The following SLC37A3 variants were observed in gnomAD, a reference collection of about 807,000 sequenced individuals.
The protein encoded by SLC37A3 is solute carrier family 37 member 3.
In SLC37A3, 51 loss-of-function variants were observed where a neutral mutation model predicts 67.1. The ratio of observed to expected loss-of-function variants is 0.76; its 90% CI spans 0.61 to 0.96. SLC37A3 has a LOEUF of 0.96. SLC37A3 is among the 40% of genes least tolerant of loss of function. SLC37A3 has a pLI of 0.00. For synonymous variants in SLC37A3, 214 were observed against 231.4 expected (o/e 0.92, Z 0.68); for missense variants, 508 against 603.0 (o/e 0.84, Z 1.65).
chr7:140,354,419 C>T (rs770418424), intron 7 of SLC37A3, among the ~76,000 whole-genome samples: 19 of 151,862 alleles, frequency 1.3e-4, no homozygotes, highest in Middle Eastern at 3.2e-3. Flanking sequence ...AATAAGTATA[C>T]AGTATAGTTT....
intron 14 of SLC37A3, among the ~76,000 whole-genome samples, 186 bp downstream of exon 14, chr7:140,337,098 C>CAAAAAAAAAAAAAAA (rs1172096190): frequency 2.9e-5 from 2 of 69,626 alleles, no homozygotes; most frequent in Non-Finnish European, 5.5e-5. Flanking sequence ...GACTCTGCCT[C>CAAAAAAAAAAAAAAA]AAAAAAAAAA....
intron 13 of SLC37A3, among the ~76,000 whole-genome samples, chr7:140,341,539 G>A (rs1371678565): frequency 6.6e-6 from 1 of 152,156 alleles, no homozygotes; most frequent in Non-Finnish European, 1.5e-5. Context: ...GGACAGAGCT[G>A]ATAGAGGTTA....
At chr7:140,343,276 G>T in intron 13 of SLC37A3, 136 bp downstream of exon 13, 1 of 1,193,054 alleles carries the variant, frequency 8.4e-7, no homozygotes, top group Non-Finnish European at 1.2e-6. Context: ...CCTGAGGGGA[G>T]ACGGAAGTCC....
intron 3 of SLC37A3, among the ~76,000 whole-genome samples, chr7:140,376,007 C>T (rs1244177605): frequency 6.6e-6 from 1 of 152,210 alleles, no homozygotes; most frequent in Non-Finnish European, 1.5e-5. Context: ...CTGCTGGGTA[C>T]ATGCACCAGT....
At position 140,398,476 on chromosome 7, in the gene SLC37A3, T is replaced by G. The variant is rs1211354072; in HGVS notation, c.-131A>C. On this transcript the variant is annotated 5_prime_UTR_variant, in exon 1 of 15. Coordinates refer to ENST00000326232, the MANE Select transcript of SLC37A3 (RefSeq NM_207113.3). ...GCTCCGCTCGCCGGGTCAGCTTGGC[T>G]CCGCTGCCCGCCTCCCCCGCCGCCA... 1.3e-5 allele frequency: 2 copies of G among 151,658 alleles called. No individual in the cohort carries two copies. Among genetic ancestry groups the G allele is most frequent in the African/African-American group, 4.9e-5 (2 of 41,156 alleles). The allele number at this position is 151,658 out of a possible 1,614,324, so 9.4% of individuals were successfully genotyped here. A position where few individuals can be genotyped will look rare whatever the true frequency, so the allele number is the denominator to read the frequency against.
intron 3 of SLC37A3, among the ~76,000 whole-genome samples, chr7:140,371,320 C>T (rs1180056113): frequency 6.6e-6 from 1 of 152,068 alleles, no homozygotes; most frequent in East Asian, 1.9e-4. Flanking sequence ...ATTACAGGCA[C>T]GTGCCACCAC....
intron 6 of SLC37A3, among the ~76,000 whole-genome samples, chr7:140,356,031 C>A (rs1025679412): frequency 3.5e-4 from 53 of 152,058 alleles, no homozygotes; most frequent in Non-Finnish European, 6.9e-4. Flanking sequence ...CCCATCTCTA[C>A]TAAAAATACA....
intron 3 of SLC37A3, among the ~76,000 whole-genome samples, chr7:140,375,859 C>CTG (rs1798012331): frequency 6.6e-6 from 1 of 152,212 alleles, no homozygotes; most frequent in Non-Finnish European, 1.5e-5. Context: ...ACACAGCTGA[C>CTG]ATCAAACAGT....
At chr7:140,395,328 T>C (rs1347900432) in intron 1 of SLC37A3, among the ~76,000 whole-genome samples, 4 of 129,624 alleles carry the variant, frequency 3.1e-5, no homozygotes, top group African/African-American at 1.2e-4. Context: ...TGAGCTGAGA[T>C]GGTGCCACTG....
intron 5 of SLC37A3, among the ~76,000 whole-genome samples, chr7:140,359,530 C>A (rs182671825): frequency 1.3e-5 from 2 of 152,190 alleles, no homozygotes; most frequent in Admixed American, 1.3e-4. Context: ...CGCATGCCAG[C>A]CACTGTTATG....
chr7:140,362,271 G>T (rs1469832569), intron 5 of SLC37A3, among the ~76,000 whole-genome samples: 7 of 140,814 alleles, frequency 5.0e-5, no homozygotes, highest in African/African-American at 1.8e-4. Flanking sequence ...GAGCGTCTCT[G>T]CCCGGCCGCC....
In SLC37A3 at chr7:140,363,264, G is replaced by A. The variant is rs1321445548; in HGVS notation, c.375+1144C>T. On this transcript the variant is annotated intron_variant, in intron 5 of 14. Transcript: ENST00000326232. ...TGTGGAATAGAAAGGCGGGAAGGGT[G>A]GGGAAAAAATTGAGAAATCGGATGG... is the stretch of plus-strand genomic sequence containing the variant. Among the ~76,000 whole-genome samples, 9 of 90,232 alleles carry A rather than the reference G, an allele frequency of 1.0e-4. 3 individuals carry two copies. Among genetic ancestry groups the A allele is most frequent in the Non-Finnish European group, 1.9e-4 (8 of 41,440 alleles). The allele number at this position is 90,232 out of a possible 152,430, so 59.2% of individuals were successfully genotyped here.
intron 3 of SLC37A3, among the ~76,000 whole-genome samples, chr7:140,378,068 C>T (rs1467232458): frequency 6.6e-6 from 1 of 152,072 alleles, no homozygotes; most frequent in Non-Finnish European, 1.5e-5. Flanking sequence ...TCTTGGGAAC[C>T]CCCAACCCAG....
intron 6 of SLC37A3, among the ~76,000 whole-genome samples, chr7:140,357,289 G>C (rs1267974226): frequency 1.3e-5 from 2 of 152,118 alleles, no homozygotes; most frequent in Admixed American, 1.3e-4. Context: ...ATTTACCCAA[G>C]AGAAATGAAA....
At chr7:140,383,542 C>T (rs904249812) in intron 1 of SLC37A3, among the ~76,000 whole-genome samples, 1 of 152,128 alleles carries the variant, frequency 6.6e-6, no homozygotes, top group Non-Finnish European at 1.5e-5. Flanking sequence ...GGTGAGGTCC[C>T]ACTGCAAGAC....
intron 5 of SLC37A3, among the ~76,000 whole-genome samples, chr7:140,362,807 C>G (rs1797404048): frequency 2.3e-5 from 2 of 88,630 alleles, no homozygotes; most frequent in Non-Finnish European, 5.0e-5. Context: ...GCCAGCCGCC[C>G]CGTCCCGGAG....
intron 4 of SLC37A3, among the ~76,000 whole-genome samples, chr7:140,369,368 G>A (rs1414997067): frequency 6.6e-6 from 1 of 152,180 alleles, no homozygotes; most frequent in Non-Finnish European, 1.5e-5. Flanking sequence ...AGGGCATTTT[G>A]TGTTGTTCGG....
Position 140,369,632 on chromosome 7 carries a change from GAA to G in SLC37A3, c.247_248del (p.Phe83ProfsTer123), listed in dbSNP as rs769048970. The G allele has an allele frequency of 1.7e-5, 28 of 1,614,012 alleles. No homozygotes were observed. The highest frequency in any genetic ancestry group is 4.4e-5 in the South Asian group (4 of 91,072). On this transcript the variant is annotated frameshift_variant, in exon 4 of 15. Transcript: ENST00000326232. LOFTEE classifies it high-confidence loss of function. Reference protein sequence around the residue: ...LFPSAEKATLFLGTLDTIFLF... With the variant: ...LFPSAEKATLXLGTLDTIFLF... ...GGAAAATGGTATCCAGTGTGCCGAG[GAA>G]AAGAGTCGCTTTCTCTGCACTGGGG...
intron 5 of SLC37A3, among the ~76,000 whole-genome samples, chr7:140,362,785 GC>G (rs1242064950): frequency 1.1e-5 from 1 of 87,884 alleles, no homozygotes; most frequent in Non-Finnish European, 2.4e-5. Context: ...GGGGGGATCA[GC>G]CCCCCGCCTG....
Sources: gnomAD v4.1 joint callset for allele counts (sites outside exome capture counted in the v4.1 genomes callset) on GRCh38, gnomAD v4.1.1 for gene constraint, MANE v1.5 for transcripts, NCBI Gene and HGNC (gene_info 2026-07-23, HGNC 2026-07-21) for gene names.